The following EDIL3 variants were observed in gnomAD, a reference collection of about 807,000 sequenced individuals.
EDIL3 encodes the protein EGF like and discoidin domains 3.
In EDIL3, 37 loss-of-function variants were observed where a neutral mutation model predicts 67.4. The observed-to-expected ratio is 0.55, with a 90% confidence interval of 0.42 to 0.72. The LOEUF is 0.72. Among genes scored for constraint, EDIL3 ranks in the 30% least tolerant of loss-of-function variants. The pLI, the probability that EDIL3 is intolerant of heterozygous loss-of-function variation, is 0.00. For synonymous variants in EDIL3, 195 were observed against 196.3 expected (o/e 0.99, Z 0.05); for missense variants, 527 against 586.3 (o/e 0.90, Z 1.04).
chr5:84,098,376 A>G (rs1747304019), intron 6 of EDIL3, among the ~76,000 whole-genome samples: 1 of 152,164 alleles, frequency 6.6e-6, no homozygotes. Context: ...GAATATAAAT[A>G]ATAGACTTAG....
At chr5:83,956,752 C>T (rs1198299666) in intron 10 of EDIL3, among the ~76,000 whole-genome samples, 3 of 151,554 alleles carry the variant, frequency 2.0e-5, no homozygotes, top group African/African-American at 7.3e-5. Context: ...ACAGTTGATA[C>T]CAAATGGTAT....
At chr5:84,095,902 T>C (rs1747253898) in intron 6 of EDIL3, among the ~76,000 whole-genome samples, 1 of 152,046 alleles carries the variant, frequency 6.6e-6, no homozygotes, top group African/African-American at 2.4e-5. Flanking sequence ...GAAACAGTGG[T>C]TTTGTGGGCT....
At chr5:84,304,151 T>C (rs1746219365) in intron 1 of EDIL3, among the ~76,000 whole-genome samples, 1 of 152,184 alleles carries the variant, frequency 6.6e-6, no homozygotes, top group Admixed American at 6.5e-5. Flanking sequence ...GTAGATGGTA[T>C]AGTAAATAAT....
At chr5:84,350,276 T>A (rs1332116400) in intron 1 of EDIL3, among the ~76,000 whole-genome samples, 4 of 152,068 alleles carry the variant, frequency 2.6e-5, no homozygotes, top group Non-Finnish European at 4.4e-5. Flanking sequence ...AACATTAATA[T>A]TTATTATGAA....
chr5:84,007,643 T>G (rs1745441618), intron 9 of EDIL3, among the ~76,000 whole-genome samples: 1 of 152,112 alleles, frequency 6.6e-6, no homozygotes, highest in Non-Finnish European at 1.5e-5. Flanking sequence ...CTGGCAAGGT[T>G]GTGGAGAAAA....
chr5:84,239,661 G>A (rs1184941387), intron 2 of EDIL3, among the ~76,000 whole-genome samples: 3 of 152,192 alleles, frequency 2.0e-5, no homozygotes, highest in Non-Finnish European at 4.4e-5. Flanking sequence ...GTCAGAGGAG[G>A]TCATGCTTGG....
chr5:84,006,892 T>C (rs978309010), intron 9 of EDIL3, among the ~76,000 whole-genome samples: 1 of 151,816 alleles, frequency 6.6e-6, no homozygotes, highest in Admixed American at 6.6e-5. Context: ...AGAATTATAC[T>C]ACAGAACCAC....
chr5:84,037,161 T>C lies in EDIL3; in HGVS notation c.1137+23139A>G, dbSNP rs61252304. 1.1e-3 allele frequency among the ~76,000 whole-genome samples: 162 copies of C among 152,294 alleles called. 1 individual carries two copies. The highest frequency in any genetic ancestry group is 3.7e-3 in the African/African-American group (153 of 41,576). ...AGCACTTTTGCACAAATGCACCCTA[T>C]GGGTATGAAGTGACCCACACTCACT... On this transcript the variant is annotated intron_variant, in intron 9 of 10. Coordinates refer to ENST00000296591, the MANE Select transcript of EDIL3 (RefSeq NM_005711.5).
At chr5:84,203,787 C>G (rs1319323958) in intron 3 of EDIL3, among the ~76,000 whole-genome samples, 1 of 151,688 alleles carries the variant, frequency 6.6e-6, no homozygotes, top group Non-Finnish European at 1.5e-5. Flanking sequence ...CAACATTCCT[C>G]TAAGGAAAAA....
intron 1 of EDIL3, among the ~76,000 whole-genome samples, chr5:84,259,876 C>T (rs868628891): frequency 6.6e-6 from 1 of 151,946 alleles, no homozygotes; most frequent in Admixed American, 6.6e-5. Context: ...TAAAAAAAAC[C>T]GAAAAGCCTA....
intron 1 of EDIL3, among the ~76,000 whole-genome samples, chr5:84,315,778 C>T (rs994923343): frequency 2.0e-5 from 3 of 152,000 alleles, no homozygotes; most frequent in African/African-American, 4.8e-5. Context: ...AGACATTCCT[C>T]GAGAAGAGCA....
intron 10 of EDIL3, among the ~76,000 whole-genome samples, chr5:83,962,616 A>G (rs1290666728): frequency 6.6e-6 from 1 of 151,636 alleles, no homozygotes; most frequent in Admixed American, 6.6e-5. Flanking sequence ...TCATAAATTT[A>G]AAAGAAAAAT....
At chr5:84,262,383 T>C (rs1185344482) in intron 1 of EDIL3, among the ~76,000 whole-genome samples, 1 of 152,062 alleles carries the variant, frequency 6.6e-6, no homozygotes, top group Admixed American at 6.6e-5. Context: ...AGTTTGTATT[T>C]TCTTGCCTTT....
chr5:84,210,810 A>T (rs1482021741), intron 3 of EDIL3, among the ~76,000 whole-genome samples: 1 of 152,202 alleles, frequency 6.6e-6, no homozygotes, highest in Non-Finnish European at 1.5e-5. Context: ...TTTTATAACC[A>T]CTTTTTAATC....
intron 6 of EDIL3, among the ~76,000 whole-genome samples, chr5:84,087,967 C>A (rs1314674953): frequency 6.6e-6 from 1 of 152,008 alleles, no homozygotes; most frequent in Middle Eastern, 3.2e-3. Context: ...AATGAAGTAC[C>A]CTTCAAGAAG....
At position 84,315,593 on chromosome 5, in the gene EDIL3, A is replaced by G. The variant is rs185406482; in HGVS notation, c.68-61381T>C. On this transcript the variant is annotated intron_variant, in intron 1 of 10. Coordinates refer to ENST00000296591, the MANE Select transcript of EDIL3 (RefSeq NM_005711.5). ...ATTTAATGTAATTAATATTTTTTAA[A>G]AAGTTGCCTGCAAGACTATACTTTC... is the stretch of plus-strand genomic sequence containing the variant. Among the ~76,000 whole-genome samples the G allele has an allele frequency of 1.2e-3, 183 of 152,310 alleles. 1 individual carries two copies. The highest frequency in any genetic ancestry group is 4.2e-3 in the African/African-American group (176 of 41,574).
chr5:84,298,171 A>G (rs1746088372), intron 1 of EDIL3, among the ~76,000 whole-genome samples: 1 of 152,218 alleles, frequency 6.6e-6, no homozygotes, highest in South Asian at 2.1e-4. Context: ...TTATAAAGAT[A>G]CATGCACGCG....
chr5:84,087,727 C>T (rs549471945), intron 6 of EDIL3, among the ~76,000 whole-genome samples: 5 of 152,052 alleles, frequency 3.3e-5, no homozygotes, highest in Admixed American at 6.5e-5. Context: ...TTACTAGCTG[C>T]GGCAAGGGCT....
chr5:84,106,870 A>T (rs1747475958), intron 5 of EDIL3, 40 bp from the exon 6 acceptor site: 1 of 1,560,588 alleles, frequency 6.4e-7, no homozygotes, highest in Admixed American at 2.0e-5. Context: ...TGTATTAGAA[A>T]CAATGCATAT....
Sources: allele counts gnomAD v4.1 joint callset (sites outside exome capture counted in the v4.1 genomes callset), GRCh38; gene constraint gnomAD v4.1.1; transcripts MANE v1.5; gene names NCBI Gene and HGNC (gene_info 2026-07-23, HGNC 2026-07-21).